The following B3GALT1 variants were observed in gnomAD, a reference collection of about 807,000 sequenced individuals.
B3GALT1 encodes the protein UDP-Gal:betaGlcNAc beta 1,3-galactosyltransferase, polypeptide 1.
B3GALT1 carries 10 observed loss-of-function variants against 23.2 expected under a neutral mutation model. The ratio of observed to expected loss-of-function variants is 0.43; its 90% confidence interval spans 0.27 to 0.73. The LOEUF is 0.73. B3GALT1 is among the 30% of genes least tolerant of loss of function. The pLI is 0.21. For missense variants in B3GALT1, 299 were observed against 405.4 expected (o/e 0.74, Z 2.25); for synonymous variants, 156 against 141.5 (o/e 1.10, Z -0.73).
intron 3 of B3GALT1, among the ~76,000 whole-genome samples, chr2:167,759,876 G>A (rs1194213502): frequency 6.6e-6 from 1 of 152,144 alleles, no homozygotes; most frequent in Non-Finnish European, 1.5e-5. Flanking sequence ...AGATTTGCAT[G>A]GATTTTGTGT....
At chr2:167,651,581 T>C (rs925859663) in intron 3 of B3GALT1, among the ~76,000 whole-genome samples, 1 of 152,184 alleles carries the variant, frequency 6.6e-6, no homozygotes, top group African/African-American at 2.4e-5. Context: ...ATTCATTCAA[T>C]TAACTTTTAT....
chr2:167,446,066 C>CA (rs560588553), intron 1 of B3GALT1, among the ~76,000 whole-genome samples: 136 of 152,302 alleles, frequency 8.9e-4, no homozygotes, highest in Admixed American at 2.2e-3. Context: ...CTGGTGGTGA[C>CA]AAAATCTCTC....
At chr2:167,617,541 G>C (rs1685182431) in intron 2 of B3GALT1, among the ~76,000 whole-genome samples, 1 of 152,052 alleles carries the variant, frequency 6.6e-6, no homozygotes, top group Non-Finnish European at 1.5e-5. Flanking sequence ...GCCACAAGCA[G>C]TGTCTGCCAT....
intron 4 of B3GALT1, among the ~76,000 whole-genome samples, chr2:167,831,097 A>G (rs1397460952): frequency 6.6e-6 from 1 of 152,258 alleles, no homozygotes; most frequent in East Asian, 1.9e-4. Context: ...CCAAGTATTC[A>G]TCAACTCTTT....
chr2:167,396,265 T>C (rs1698093391), intron 1 of B3GALT1, among the ~76,000 whole-genome samples: 1 of 152,064 alleles, frequency 6.6e-6, no homozygotes, highest in African/African-American at 2.4e-5. Flanking sequence ...AATCCAAAAG[T>C]TTTTTCATCT....
chr2:167,470,897 T>C (rs373183258), intron 1 of B3GALT1, among the ~76,000 whole-genome samples: 1 of 152,208 alleles, frequency 6.6e-6, no homozygotes, highest in Non-Finnish European at 1.5e-5. Context: ...ATAGCTATTA[T>C]AGGGGCACAT....
chr2:167,828,556 C>G (rs1242518134), intron 4 of B3GALT1, among the ~76,000 whole-genome samples: 1 of 152,162 alleles, frequency 6.6e-6, no homozygotes. Flanking sequence ...AAAACATGTC[C>G]CCTTCTTTGT....
rs74424619 is a variant in B3GALT1, at chr2:167,660,375, T to C, written c.-352+13409T>C. Among the ~76,000 whole-genome samples, 588 of 152,122 alleles carry C rather than the reference T, an allele frequency of 3.9e-3. 20 individuals are homozygous for C. In the East Asian group the frequency reaches 0.097, roughly 25 times the overall value. On this transcript the variant is annotated intron_variant, in intron 3 of 4. Coordinates refer to ENST00000392690, the MANE Select transcript of B3GALT1 (RefSeq NM_020981.4). The stretch of plus-strand genomic sequence containing the variant: ...CTTTAAGGGTCTAGAAACAGTCCAG[T>C]ATGTCAGGGAATAACTTTAATGCAG...
In B3GALT1 at chr2:167,491,483, C is replaced by CTTT. The variant is rs35378344; in HGVS notation, c.-410+1221_-410+1223dup. Among the ~76,000 whole-genome samples, 465 of 121,970 alleles carry CTTT rather than the reference C, an allele frequency of 3.8e-3. 5 individuals carry two copies. The highest frequency in any genetic ancestry group is 9.3e-3 in the Middle Eastern group (2 of 216). The allele number at this position is 121,970 out of a possible 152,430, so 80.0% of individuals were successfully genotyped here. Reference sequence around the variant, plus strand: ...TTCTGTGTCTTTGGTTTTACTTTTGCTTTTTTTTTTTTTTTTTCATTAACA... The same window carrying CTTT: ...TTCTGTGTCTTTGGTTTTACTTTTGCTTTTTTTTTTTTTTTTTTTTCATTAACA... On this transcript the variant is annotated intron_variant, in intron 2 of 4. Coordinates refer to ENST00000392690, the MANE Select transcript of B3GALT1 (RefSeq NM_020981.4).
At chr2:167,564,184 G>C (rs1006766625) in intron 2 of B3GALT1, among the ~76,000 whole-genome samples, 1 of 151,406 alleles carries the variant, frequency 6.6e-6, no homozygotes, top group Non-Finnish European at 1.5e-5. Context: ...TCACTTCTCA[G>C]ACGGGGCGGC....
At chr2:167,668,206 G>A (rs1040909983) in intron 3 of B3GALT1, among the ~76,000 whole-genome samples, 8 of 151,658 alleles carry the variant, frequency 5.3e-5, no homozygotes, top group South Asian at 2.1e-4. Context: ...TGGAATACCC[G>A]ACCGCGTGAG....
chr2:167,352,436 C>T (rs542580859), intron 1 of B3GALT1, among the ~76,000 whole-genome samples: 1 of 151,288 alleles, frequency 6.6e-6, no homozygotes, highest in South Asian at 2.1e-4. Context: ...TATCTCGAAA[C>T]TGTAGCCGGG....
chr2:167,453,776 A>G (rs1341673630), intron 1 of B3GALT1, among the ~76,000 whole-genome samples: 2 of 152,216 alleles, frequency 1.3e-5, no homozygotes, highest in Non-Finnish European at 2.9e-5. Flanking sequence ...ATTTAACAAG[A>G]TCATTTTCAA....
At chr2:167,822,797 TA>T (rs1011122954) in intron 4 of B3GALT1, among the ~76,000 whole-genome samples, 4 of 151,910 alleles carry the variant, frequency 2.6e-5, no homozygotes, top group African/African-American at 9.7e-5. Context: ...CAGTGAAAAT[TA>T]AGCTCCTTCT....
intron 1 of B3GALT1, among the ~76,000 whole-genome samples, chr2:167,460,394 T>A (rs1699240805): frequency 6.6e-6 from 1 of 152,196 alleles, no homozygotes; most frequent in Non-Finnish European, 1.5e-5. Context: ...CTTTGACTCC[T>A]TCTGGTGAAT....
chr2:167,632,251 A>G (rs112998128), intron 2 of B3GALT1, among the ~76,000 whole-genome samples: 5,673 of 152,136 alleles, frequency 0.037, 366 homozygotes, highest in African/African-American at 0.13. Flanking sequence ...GCTGCAGTAA[A>G]CATACTTTTG....
At chr2:167,495,714 C>G (rs199833091) in intron 2 of B3GALT1, among the ~76,000 whole-genome samples, 1 of 152,062 alleles carries the variant, frequency 6.6e-6, no homozygotes, top group Admixed American at 6.5e-5. Context: ...GCTTTTCCTT[C>G]CAGGTTTTAT....
At chr2:167,566,091 G>GGA (rs1312283437) in intron 2 of B3GALT1, among the ~76,000 whole-genome samples, 1 of 151,884 alleles carries the variant, frequency 6.6e-6, no homozygotes, top group Admixed American at 6.5e-5. Flanking sequence ...GCAAAGACTT[G>GGA]GAACAAACCC....
At chr2:167,591,731 C>T (rs1034179121) in intron 2 of B3GALT1, among the ~76,000 whole-genome samples, 2 of 152,210 alleles carry the variant, frequency 1.3e-5, no homozygotes, top group African/African-American at 4.8e-5. Context: ...CCTTGGCCTC[C>T]TAAAGTGGTG....
Sources: gnomAD v4.1 joint callset for allele counts (sites outside exome capture counted in the v4.1 genomes callset) on GRCh38, gnomAD v4.1.1 for gene constraint, MANE v1.5 for transcripts, NCBI Gene and HGNC (gene_info 2026-07-23, HGNC 2026-07-21) for gene names.